STRADB: variants seen among roughly 807,000 people sequenced by gnomAD.
The protein encoded by STRADB is STE20-related kinase adapter protein beta.
Under a neutral mutation model 52.1 loss-of-function variants are expected in STRADB, and 34 were observed. That is an observed-to-expected ratio of 0.65 (90% CI 0.50 to 0.87). The LOEUF (loss-of-function observed/expected upper bound fraction) is 0.87, where lower values mean the gene tolerates loss of function less well. Ranked by LOEUF, STRADB falls within the 40% of genes least tolerant of loss-of-function variation. The pLI is 0.00. For synonymous variants in STRADB, 133 were observed against 174.5 expected (o/e 0.76, Z 1.87); for missense variants, 340 against 483.9 (o/e 0.70, Z 2.79).
rs375748883 is a variant in STRADB, at chr2:201,479,552, T to C, written c.1113+21T>C. 2.5e-6 allele frequency: 4 copies of C among 1,591,256 alleles called. No homozygotes were observed. In the African/African-American group the frequency reaches 4.1e-5, roughly 16 times the overall value. ...AACAGGTGAGCTGATCTATCATCCG[T>C]TGTCTCGATGTTTTTAATTACTATT... On this transcript the variant is annotated intron_variant, in intron 11 of 11. Coordinates refer to ENST00000194530, the MANE Select transcript of STRADB (RefSeq NM_018571.6).
At chr2:201,476,714 C>T (rs1952478027) in intron 7 of STRADB, among the ~76,000 whole-genome samples, 1 of 151,338 alleles carries the variant, frequency 6.6e-6, no homozygotes, top group South Asian at 2.1e-4. Context: ...GTGGCTCATG[C>T]CTGTAATCCC....
chr2:201,453,472 T>C (rs1389149244), intron 1 of STRADB, among the ~76,000 whole-genome samples: 1 of 152,176 alleles, frequency 6.6e-6, no homozygotes, highest in African/African-American at 2.4e-5. Flanking sequence ...AACACTTGTG[T>C]AATGATTACT....
rs1471768334 is a variant in STRADB, at chr2:201,475,670, C to T, written c.476C>T (p.Thr159Ile). 1 of 1,611,892 alleles carries T rather than the reference C, an allele frequency of 6.2e-7. No individual in the cohort carries two copies. The highest frequency in any genetic ancestry group is 8.5e-7 in the Non-Finnish European group (1 of 1,179,886). Reference protein sequence around the residue: ...RTYFPEGMSETLIRNILFGAV... With the variant: ...RTYFPEGMSEILIRNILFGAV... ...TATTTTCCTGAAGGAATGAGTGAAA[C>T]TTTAATAAGAAACATTCTCTTTGGA... Residue 159 changes from threonine to isoleucine, a missense_variant, in exon 7 of 12, where the codon ACT (threonine) becomes ATT (isoleucine). Thr to Ile is a moderately conservative substitution (Grantham distance 89, BLOSUM62 -1). Coordinates refer to ENST00000194530, the MANE Select transcript of STRADB (RefSeq NM_018571.6).
intron 3 of STRADB, among the ~76,000 whole-genome samples, chr2:201,463,004 T>C (rs557457743): frequency 6.6e-6 from 1 of 152,340 alleles, no homozygotes; most frequent in African/African-American, 2.4e-5. Context: ...CTGGGAAAGT[T>C]CTTCTTCCAT....
intron 3 of STRADB, among the ~76,000 whole-genome samples, chr2:201,469,113 C>T (rs562491647): frequency 6.6e-6 from 1 of 152,250 alleles, no homozygotes; most frequent in East Asian, 1.9e-4. Flanking sequence ...TTTCAAACTC[C>T]ATCTCTGTCT....
chr2:201,473,210 A>G (rs533565546), intron 5 of STRADB, 134 bp downstream of exon 5: 40 of 754,086 alleles, frequency 5.3e-5, no homozygotes, highest in Non-Finnish European at 6.7e-5. Flanking sequence ...TACAAATAAA[A>G]CACAGCATAA....
chr2:201,478,052 G>C (rs550030046), intron 8 of STRADB, 35 bp from the exon 9 acceptor site: 2 of 1,545,290 alleles, frequency 1.3e-6, no homozygotes, highest in South Asian at 2.4e-5. Context: ...TAACTTATTT[G>C]CACTAAAAGA....
chr2:201,456,521 A>G (rs1011617118), intron 2 of STRADB, among the ~76,000 whole-genome samples: 1 of 152,232 alleles, frequency 6.6e-6, no homozygotes, highest in East Asian at 1.9e-4. Flanking sequence ...GTAACTTTAA[A>G]TCACATTTTT....
At chr2:201,463,813 C>T (rs1012581926) in intron 3 of STRADB, among the ~76,000 whole-genome samples, 1 of 151,882 alleles carries the variant, frequency 6.6e-6, no homozygotes, top group South Asian at 2.1e-4. Context: ...TCTGTATTTT[C>T]AAATAGCCTG....
rs143435151 is a variant in STRADB, at chr2:201,473,662, G to A, written c.315+586G>A. On this transcript the variant is annotated intron_variant, in intron 5 of 11. Transcript: ENST00000194530. ...AATGAATATCATATTCAAAATGCTA[G>A]TCTGGAGTTTTACAATACTCCTAGT... Among the ~76,000 whole-genome samples the A allele has an allele frequency of 2.3e-3, 343 of 152,228 alleles. 3 individuals are homozygous for A. The highest frequency in any genetic ancestry group is 7.8e-3 in the African/African-American group (322 of 41,536).
Position 201,478,485 on chromosome 2 carries a change from C to T in STRADB, c.954C>T (p.Val318=), listed in dbSNP as rs764062251. Residue 318 remains valine, a synonymous_variant, in exon 10 of 12, where the codon GTC becomes GTT. Transcript: ENST00000194530. The part of the protein sequence containing the change: ...VDSGIGESVL[V]SSGTHTVNSD... ...CTGGGATTGGAGAAAGTGTGCTTGT[C>T]TCCAGTGGAACTCACACAGTAAATA... is the stretch of plus-strand genomic sequence containing the variant. 1 of 1,613,942 alleles carries T rather than the reference C, an allele frequency of 6.2e-7. No homozygotes were observed. Among genetic ancestry groups the T allele is most frequent in the South Asian group, 1.1e-5 (1 of 91,076 alleles).
At chr2:201,453,921 T>A (rs1042266198) in intron 1 of STRADB, among the ~76,000 whole-genome samples, 1 of 152,212 alleles carries the variant, frequency 6.6e-6, no homozygotes, top group Non-Finnish European at 1.5e-5. Context: ...ATAGTGAACA[T>A]CCTGAATAAA....
At chr2:201,457,282 A>T (rs1179026754) in intron 2 of STRADB, 1 of 152,248 alleles carries the variant, frequency 6.6e-6, no homozygotes, top group Non-Finnish European at 1.5e-5. Flanking sequence ...ACCAAACAAT[A>T]TATAAATGTC....
At chr2:201,461,217 T>C (rs192196205) in intron 3 of STRADB, among the ~76,000 whole-genome samples, 1 of 152,206 alleles carries the variant, frequency 6.6e-6, no homozygotes, top group Non-Finnish European at 1.5e-5. Flanking sequence ...AGAGATGGCA[T>C]CTTGCTTTGC....
chr2:201,478,630 A>C, intron 10 of STRADB, 29 bp downstream of exon 10: 1 of 1,604,376 alleles, frequency 6.2e-7, no homozygotes, highest in Non-Finnish European at 8.5e-7. Flanking sequence ...AAATAGCACA[A>C]AATGTACATG....
In STRADB at chr2:201,480,609, C is replaced by A; in HGVS notation, c.*434C>A. 1.0e-6 allele frequency: 1 copy of A among 991,752 alleles called. No individual in the cohort carries two copies. Among genetic ancestry groups the A allele is most frequent in the Non-Finnish European group, 1.2e-6 (1 of 833,454 alleles). 61.4% of individuals were successfully genotyped at this position (991,752 alleles called of 1,614,324 possible). On this transcript the variant is annotated 3_prime_UTR_variant, in exon 12 of 12. Coordinates refer to ENST00000194530, the MANE Select transcript of STRADB (RefSeq NM_018571.6). ...ACCAACAGGCTAGTTTATCTTACAT[C>A]AGACCCTTTTCTGGTAGAGGGAAAA...
At position 201,477,658 on chromosome 2, in the gene STRADB, C is replaced by T. The variant is rs754950123; in HGVS notation, c.588C>T (p.Gly196=). 8.7e-6 allele frequency: 14 copies of T among 1,610,392 alleles called. No homozygotes were observed. Among genetic ancestry groups the T allele is most frequent in the Admixed American group, 1.7e-5 (1 of 59,944 alleles). Residue 196 remains glycine, a synonymous_variant, in exon 8 of 12, where the codon GGC becomes GGT. Transcript: ENST00000194530. ...GCCATATCCTCATTTCTGGTGATGG[C>T]CTAGTGACCCTCTCTGGCCTGTCCC... ...KASHILISGD[G]LVTLSGLSHL...
chr2:201,466,659 C>T (rs1356435757), intron 3 of STRADB, among the ~76,000 whole-genome samples: 4 of 152,274 alleles, frequency 2.6e-5, no homozygotes, highest in East Asian at 1.9e-4. Context: ...CCTATAACTT[C>T]GGAAACCCCT....
chr2:201,478,561 A>G lies in STRADB; in HGVS notation c.1030A>G (p.Ser344Gly). 1.9e-6 allele frequency: 3 copies of G among 1,614,006 alleles called. No homozygotes were observed. The highest frequency in any genetic ancestry group is 2.5e-6 in the Non-Finnish European group (3 of 1,179,998). The change falls in exon 10 of 12, where the codon AGC (serine) becomes GGC (glycine). Residue 344 changes from serine to glycine, a missense_variant. By Grantham distance (56) the Ser-to-Gly change is moderately conservative. Coordinates refer to ENST00000194530, the MANE Select transcript of STRADB (RefSeq NM_018571.6). ...AAAAACTTTCTCTCCTGCCTTCTTT[A>G]GCTTGGTACAGCTCTGTTTGCAACA... Reference protein sequence around the residue: ...SSKTFSPAFFSLVQLCLQQDP... With the variant: ...SSKTFSPAFFGLVQLCLQQDP...
Sources: allele counts gnomAD v4.1 joint callset (sites outside exome capture counted in the v4.1 genomes callset), GRCh38; gene constraint gnomAD v4.1.1; transcripts MANE v1.5; gene names NCBI Gene and HGNC (gene_info 2026-07-23, HGNC 2026-07-21).